Variants in PRKCH observed in about 807,000 individuals in gnomAD.
PRKCH encodes the protein protein kinase C eta type.
Under a neutral mutation model 82.5 loss-of-function variants are expected in PRKCH, and 28 were observed. The ratio of observed to expected loss-of-function variants is 0.34; its 90% CI spans 0.25 to 0.47. The LOEUF (loss-of-function observed/expected upper bound fraction) is 0.47, where lower values mean the gene tolerates loss of function less well. Ranked by LOEUF, PRKCH falls within the 20% of genes least tolerant of loss-of-function variation. The probability of loss-of-function intolerance (pLI) is 1.00; values close to 1 mark genes in which losing one functional copy is unlikely to be tolerated. For synonymous variants in PRKCH, 322 were observed against 327.4 expected (o/e 0.98, Z 0.18); for missense variants, 705 against 881.8 (o/e 0.80, Z 2.54).
At chr14:61,188,549 C>T (rs2044382126) in intron 1 of PRKCH, among the ~76,000 whole-genome samples, 1 of 148,978 alleles carries the variant, frequency 6.7e-6, no homozygotes, top group Non-Finnish European at 1.5e-5. Flanking sequence ...GCCTCTGGGA[C>T]CTCCTCACCC....
chr14:61,545,642 C>G (rs1017445083), intron 12 of PRKCH, among the ~76,000 whole-genome samples: 2 of 152,154 alleles, frequency 1.3e-5, no homozygotes, highest in Non-Finnish European at 2.9e-5. Context: ...AAAAACAAAA[C>G]TGCTTGGTTA....
chr14:61,194,067 T>G (rs551702851), intron 1 of PRKCH, among the ~76,000 whole-genome samples: 3 of 152,366 alleles, frequency 2.0e-5, no homozygotes, highest in African/African-American at 7.2e-5. Flanking sequence ...TTTCTTGTCT[T>G]CTGTCCTTTC....
At chr14:61,235,904 C>G (rs11849899) in intron 1 of PRKCH, among the ~76,000 whole-genome samples, 2,519 of 152,240 alleles carry the variant, frequency 0.017, 80 homozygotes, top group African/African-American at 0.058. Context: ...ATTCTAAGCA[C>G]CCCCAACCAG....
At chr14:61,521,251 C>T (rs2042902715) in intron 10 of PRKCH, among the ~76,000 whole-genome samples, 1 of 152,102 alleles carries the variant, frequency 6.6e-6, no homozygotes, top group African/African-American at 2.4e-5. Context: ...AAAACATTTT[C>T]AGATAACATT....
At chr14:61,273,782 T>C (rs2045178872) in intron 1 of PRKCH, among the ~76,000 whole-genome samples, 1 of 152,258 alleles carries the variant, frequency 6.6e-6, no homozygotes, top group African/African-American at 2.4e-5. Flanking sequence ...CATTATTAGA[T>C]GCATCTCTGC....
chr14:61,488,003 A>AG (rs1344471414), intron 10 of PRKCH, among the ~76,000 whole-genome samples: 1 of 152,072 alleles, frequency 6.6e-6, no homozygotes, highest in Non-Finnish European at 1.5e-5. Flanking sequence ...AATACAAAAA[A>AG]TTAGCCGGGC....
At chr14:61,315,525 A>G (rs527690752) in intron 1 of PRKCH, among the ~76,000 whole-genome samples, 61 of 152,320 alleles carry the variant, frequency 4.0e-4, no homozygotes, top group African/African-American at 1.4e-3. Context: ...ACAGAAGCCA[A>G]GGTAACAGCT....
At chr14:61,335,524 C>T (rs1478854125) in intron 1 of PRKCH, among the ~76,000 whole-genome samples, 2 of 151,746 alleles carry the variant, frequency 1.3e-5, no homozygotes, top group African/African-American at 4.8e-5. Context: ...AACATACTAA[C>T]AGTAATCATA....
chr14:61,371,593 G>A (rs2046364692), intron 1 of PRKCH, among the ~76,000 whole-genome samples: 1 of 152,026 alleles, frequency 6.6e-6, no homozygotes, highest in South Asian at 2.1e-4. Flanking sequence ...GGCAGGCATA[G>A]TACCACATTT....
At chr14:61,245,104 T>C (rs17098160) in intron 1 of PRKCH, among the ~76,000 whole-genome samples, 7,758 of 152,328 alleles carry the variant, frequency 0.051, 328 homozygotes, top group East Asian at 0.16. Flanking sequence ...AGGAGTTTAC[T>C]AAGTTACATG....
At chr14:61,355,689 G>A (rs941691984) in intron 1 of PRKCH, among the ~76,000 whole-genome samples, 1 of 152,134 alleles carries the variant, frequency 6.6e-6, no homozygotes, top group Non-Finnish European at 1.5e-5. Context: ...GTATTGCCCT[G>A]ACTTTATTGG....
chr14:61,396,081 G>GAA (rs34478520), intron 2 of PRKCH, among the ~76,000 whole-genome samples: 16 of 120,554 alleles, frequency 1.3e-4, no homozygotes, highest in African/African-American at 4.5e-4. Flanking sequence ...CCTTGTTTCA[G>GAA]AAAAAAAAAA....
chr14:61,475,338 A>G (rs1389173379), intron 9 of PRKCH, among the ~76,000 whole-genome samples: 1 of 152,228 alleles, frequency 6.6e-6, no homozygotes, highest in East Asian at 1.9e-4. Context: ...CATCCAAGAT[A>G]TCTTCTTTGT....
chr14:61,221,004 T>C (rs896577317), intron 1 of PRKCH, among the ~76,000 whole-genome samples: 1 of 152,170 alleles, frequency 6.6e-6, no homozygotes, highest in Non-Finnish European at 1.5e-5. Flanking sequence ...CCGCTAGTGT[T>C]GGGCAGACAT....
chr14:61,529,473 T>C (rs556650309), intron 11 of PRKCH, among the ~76,000 whole-genome samples: 1 of 152,048 alleles, frequency 6.6e-6, no homozygotes, highest in East Asian at 1.9e-4. Context: ...TATTGCGGCA[T>C]TATTCACAAT....
chr14:61,220,404 C>T (rs968181046), intron 1 of PRKCH, among the ~76,000 whole-genome samples: 6 of 152,188 alleles, frequency 3.9e-5, no homozygotes, highest in African/African-American at 1.4e-4. Context: ...CAAATCATCC[C>T]TCATGCTAGT....
intron 1 of PRKCH, among the ~76,000 whole-genome samples, chr14:61,225,376 C>T (rs568611789): frequency 6.6e-6 from 1 of 152,300 alleles, no homozygotes; most frequent in Admixed American, 6.5e-5. Flanking sequence ...TTCCTTCCTG[C>T]CAAGGGGAGA....
At chr14:61,300,122 CTT>C (rs1258556935) in intron 1 of PRKCH, among the ~76,000 whole-genome samples, 2 of 152,090 alleles carry the variant, frequency 1.3e-5, no homozygotes, top group Admixed American at 6.5e-5. Flanking sequence ...TTTCCTTTCT[CTT>C]TTCTATTTTT....
At position 61,193,690 on chromosome 14, in the gene PRKCH, G is replaced by A. The variant is rs543250216; in HGVS notation, c.-19+6022G>A. Among the ~76,000 whole-genome samples, 38 of 152,238 alleles carry A rather than the reference G, an allele frequency of 2.5e-4. 1 individual carries two copies. The highest frequency in any genetic ancestry group is 6.8e-3 in the Middle Eastern group (2 of 294). On this transcript the variant is annotated intron_variant, in intron 1 of 3. Coordinates refer to the PRKCH transcript ENST00000555185. ...TGACCATGACCACTGTCTCAGTCAG[G>A]GGTCATTTGTTTACAACAGAAGGTT...
Sources: gnomAD v4.1 joint callset for allele counts (sites outside exome capture counted in the v4.1 genomes callset) on GRCh38, gnomAD v4.1.1 for gene constraint, MANE v1.5 for transcripts, NCBI Gene and HGNC (gene_info 2026-07-23, HGNC 2026-07-21) for gene names.